Variants in TFDP1 observed in about 807,000 individuals in gnomAD.
TFDP1 encodes DRTF1-polypeptide 1.
Under a neutral mutation model 48.0 loss-of-function variants are expected in TFDP1, and 6 were observed. The observed-to-expected ratio is 0.13, with a 90% confidence interval of 0.07 to 0.25. The LOEUF is 0.25. TFDP1 is among the 10% of genes least tolerant of loss of function. The pLI, the probability that TFDP1 is intolerant of heterozygous loss-of-function variation, is 1.00. For missense variants in TFDP1, 335 were observed against 543.0 expected (o/e 0.62, Z 3.81); for synonymous variants, 201 against 211.6 (o/e 0.95, Z 0.44).
At chr13:113,594,914 A>G (rs1421960197) in intron 2 of TFDP1, among the ~76,000 whole-genome samples, 4 of 152,256 alleles carry the variant, frequency 2.6e-5, no homozygotes, top group South Asian at 2.1e-4. Context: ...TCACGTTCAT[A>G]TGTGAGCTGA....
chr13:113,629,884 C>T (rs1005427593), intron 4 of TFDP1, among the ~76,000 whole-genome samples: 22 of 152,136 alleles, frequency 1.4e-4, no homozygotes, highest in South Asian at 4.1e-4. Flanking sequence ...TCCTGGGATT[C>T]CTGGGGAAGG....
intron 2 of TFDP1, among the ~76,000 whole-genome samples, chr13:113,590,534 CAT>C (rs942257647): frequency 3.9e-5 from 6 of 152,180 alleles, no homozygotes; most frequent in Non-Finnish European, 7.3e-5. Context: ...CTTTTGTCCT[CAT>C]AAAGAAACAA....
At chr13:113,612,950 G>A (rs890167133) in intron 3 of TFDP1, among the ~76,000 whole-genome samples, 3 of 152,116 alleles carry the variant, frequency 2.0e-5, no homozygotes, top group Admixed American at 1.3e-4. Context: ...TCCCTGGATC[G>A]CCGGCAGCAG....
In TFDP1 at chr13:113,634,691, C is replaced by G. The variant is rs1275226294; in HGVS notation, c.687+89C>G. 4.3e-6 allele frequency: 4 copies of G among 928,114 alleles called. No individual in the cohort carries two copies. The East Asian group carries it at 7.4e-5, about 17-fold the overall frequency. 57.5% of individuals were successfully genotyped at this position (928,114 alleles called of 1,614,324 possible). A position where few individuals can be genotyped will look rare whatever the true frequency, so the allele number is the denominator to read the frequency against. ...GCAACATACTGCCTTGGGTTACACT[C>G]CTGCATGGCAAATCAAATGACTGCT... On this transcript the variant is annotated intron_variant, in intron 8 of 11. Transcript: ENST00000375370.
At chr13:113,588,731 G>A (rs2048065830) in intron 2 of TFDP1, among the ~76,000 whole-genome samples, 1 of 152,224 alleles carries the variant, frequency 6.6e-6, no homozygotes, top group Non-Finnish European at 1.5e-5. Context: ...TGGAGAGTGA[G>A]TGGTGGTGCT....
At chr13:113,634,860 C>G (rs544765885) in intron 8 of TFDP1, among the ~76,000 whole-genome samples, 1 of 148,792 alleles carries the variant, frequency 6.7e-6, no homozygotes, top group African/African-American at 2.5e-5. Flanking sequence ...TGTGTGCGTG[C>G]GTGCGTGTGC....
chr13:113,606,538 C>T (rs2048575715), intron 2 of TFDP1, among the ~76,000 whole-genome samples: 1 of 152,024 alleles, frequency 6.6e-6, no homozygotes, highest in Admixed American at 6.5e-5. Context: ...CAAATACCGT[C>T]CCAAGCAGGA....
chr13:113,615,721 A>G (rs1184150570), intron 3 of TFDP1, among the ~76,000 whole-genome samples: 1 of 152,146 alleles, frequency 6.6e-6, no homozygotes, highest in African/African-American at 2.4e-5. Flanking sequence ...CTGGGCAACA[A>G]CGGGAGACCC....
intron 5 of TFDP1, 138 bp downstream of exon 5, chr13:113,631,882 C>T: frequency 8.0e-7 from 1 of 1,250,686 alleles, no homozygotes; most frequent in East Asian, 2.6e-5. Flanking sequence ...GAATCACACT[C>T]ACCCATCATC....
At chr13:113,631,891 T>G in intron 5 of TFDP1, 147 bp downstream of exon 5, 1 of 1,187,786 alleles carries the variant, frequency 8.4e-7, no homozygotes, top group Non-Finnish European at 1.2e-6. Context: ...TCACCCATCA[T>G]CGTGGCCTGC....
At chr13:113,611,124 A>G in intron 3 of TFDP1, 62 bp downstream of exon 3, 1 of 1,449,484 alleles carries the variant, frequency 6.9e-7, no homozygotes, top group Non-Finnish European at 9.7e-7. Flanking sequence ...TCACATGTTT[A>G]TGAAGCTGTT....
intron 11 of TFDP1, 32 bp from the exon 12 acceptor site, chr13:113,640,088 A>C (rs2049604392): frequency 1.3e-6 from 2 of 1,539,862 alleles, no homozygotes; most frequent in Non-Finnish European, 1.8e-6. Context: ...GGCCGCCTGC[A>C]CTGACGGCGC....
chr13:113,601,030 T>A (rs1031588905), intron 2 of TFDP1, among the ~76,000 whole-genome samples: 3 of 152,158 alleles, frequency 2.0e-5, no homozygotes, highest in Non-Finnish European at 4.4e-5. Flanking sequence ...GGAGCGTGTT[T>A]GTGAGATGAG....
chr13:113,605,296 A>G (rs757930245), intron 2 of TFDP1, among the ~76,000 whole-genome samples: 1 of 152,140 alleles, frequency 6.6e-6, no homozygotes, highest in Non-Finnish European at 1.5e-5. Context: ...TCCGTGCGGA[A>G]CTAAGTTTAT....
chr13:113,638,956 T>G (rs751412103), intron 11 of TFDP1, among the ~76,000 whole-genome samples: 3 of 152,120 alleles, frequency 2.0e-5, no homozygotes, highest in Non-Finnish European at 2.9e-5. Flanking sequence ...TGAGCCTGCG[T>G]TGGGATGTGC....
Position 113,634,535 on chromosome 13 carries a change from T to A in TFDP1, c.620T>A (p.Val207Glu). Residue 207 changes from valine (V) to glutamate (E), a missense_variant and splice_region_variant, in exon 8 of 12, where the codon GTG (valine) becomes GAG (glutamate). Val to Glu is a moderately radical substitution (Grantham distance 121). Coordinates refer to ENST00000375370, the MANE Select transcript of TFDP1 (RefSeq NM_007111.5). ...CACATGGGTGGTTTGTTTTTGAAGG[T>A]GGAAAGACAGAGGAGACTTGAAAGA... ...NSAQECQNLE[V>E]ERQRRLERIK... The A allele has an allele frequency of 1.9e-6, 3 of 1,613,018 alleles. No homozygotes were observed. The highest frequency in any genetic ancestry group is 2.5e-6 in the Non-Finnish European group (3 of 1,179,588).
intron 3 of TFDP1, among the ~76,000 whole-genome samples, chr13:113,611,339 A>G (rs1308621049): frequency 6.6e-6 from 1 of 152,198 alleles, no homozygotes; most frequent in East Asian, 1.9e-4. Context: ...GAAGAAATAA[A>G]GATAGTTTGT....
At position 113,607,508 on chromosome 13, in the gene TFDP1, T is replaced by C. The variant is rs1033547362; in HGVS notation, c.13-3488T>C. Among the ~76,000 whole-genome samples the C allele has an allele frequency of 1.3e-5, 2 of 152,216 alleles. No individual in the cohort carries two copies. The highest frequency in any genetic ancestry group is 4.8e-5 in the African/African-American group (2 of 41,454). On this transcript the variant is annotated intron_variant, in intron 2 of 11. Transcript: ENST00000375370. The surrounding 1 kb of genome is among the most constrained non-coding windows in gnomAD (Gnocchi z 5.2). ...GACGATGCCACGCTTGTGTCAGCAG[T>C]GCGACACTGGCCCACGTGTCGTCCT... is the stretch of plus-strand genomic sequence containing the variant.
chr13:113,589,050 G>A (rs1023783673), intron 2 of TFDP1, among the ~76,000 whole-genome samples: 2 of 152,020 alleles, frequency 1.3e-5, no homozygotes, highest in African/African-American at 2.4e-5. Flanking sequence ...AGTGAGTGGC[G>A]GTGCTGGAGT....
Sources: allele counts gnomAD v4.1 joint callset (sites outside exome capture counted in the v4.1 genomes callset), GRCh38; gene constraint gnomAD v4.1.1; non-coding constraint Gnocchi (gnomAD v3.1); transcripts MANE v1.5; gene names NCBI Gene and HGNC (gene_info 2026-07-23, HGNC 2026-07-21).